Variants in XAF1 observed in about 807,000 individuals in gnomAD.
XAF1 encodes the protein XIAP-associated factor 1.
A neutral mutation model predicts 32.3 loss-of-function variants in XAF1; 32 were observed. That is an observed-to-expected ratio of 0.99 (90% CI 0.75 to 1.33). The LOEUF (loss-of-function observed/expected upper bound fraction) is 1.33. Ranked by LOEUF, XAF1 falls within the 40% of genes most tolerant of loss-of-function variation. XAF1 has a pLI of 0.00. For missense variants in XAF1, 379 were observed against 366.0 expected (o/e 1.04, Z -0.29); for synonymous variants, 120 against 125.9 (o/e 0.95, Z 0.31).
At position 6,770,963 on chromosome 17, in the gene XAF1, G is replaced by A. The variant is rs536573058; in HGVS notation, c.828G>A (p.Leu276=). Residue 276 remains leucine (L), a synonymous_variant, in exon 6 of 7, where the codon CTG becomes CTA. Coordinates refer to ENST00000361842, the MANE Select transcript of XAF1 (RefSeq NM_017523.5). ...RCSQCGILLP[L]PILNQHQEKC... ...CTCAGTGTGGCATCCTGCTTCCCCT[G>A]CCGATCCTAAATCAACATCAGGTAC... The A allele has an allele frequency of 2.8e-5, 45 of 1,613,938 alleles. No homozygotes were observed. Among genetic ancestry groups the A allele is most frequent in the Non-Finnish European group, 3.6e-5 (43 of 1,180,008 alleles).
At chr17:6,771,086 A>G (rs778578902) in intron 6 of XAF1, 102 bp downstream of exon 6, 11 of 1,348,116 alleles carry the variant, frequency 8.2e-6, no homozygotes, top group Non-Finnish European at 1.1e-5. Context: ...TGTGGCTGAA[A>G]AGGCCGTTTT....
chr17:6,771,028 G>A (rs765610915), intron 6 of XAF1, 44 bp downstream of exon 6: 26 of 1,574,582 alleles, frequency 1.7e-5, no homozygotes, highest in African/African-American at 5.4e-5. Context: ...GGAACCATCC[G>A]CACAGTGTCT....
chr17:6,762,167 C>T lies in XAF1; in HGVS notation c.434C>T (p.Ser145Leu). The T allele has an allele frequency of 6.2e-7, 1 of 1,613,224 alleles. No individual in the cohort carries two copies. Among genetic ancestry groups the T allele is most frequent in the South Asian group, 1.1e-5 (1 of 90,862 alleles). The change falls in exon 5 of 7, where the codon TCA (serine) becomes TTA (leucine). Residue 145 changes from serine to leucine, a missense_variant. Coordinates refer to ENST00000361842, the MANE Select transcript of XAF1 (RefSeq NM_017523.5). ...QAQLGKGERI[S>L]APEREIYCHY... ...TCTGCTTATTCAGGGGAAAGAATTTCAGCTCCTGAAAGGGAAATCTACTGT... is the reference window on the plus strand; with the variant it reads ...TCTGCTTATTCAGGGGAAAGAATTTTAGCTCCTGAAAGGGAAATCTACTGT...
rs202092254 is a variant in XAF1 at position 6,759,168 on chromosome 17, G to GC, written c.169-491dup. The GC allele has an allele frequency of 1.1e-3, 1,116 of 1,017,388 alleles. 16 individuals carry two copies. In the African/African-American group the frequency reaches 0.018, roughly 16 times the overall value. 63.0% of individuals were successfully genotyped at this position (1,017,388 alleles called of 1,614,324 possible). On this transcript the variant is annotated intron_variant, in intron 2 of 6. Transcript: ENST00000361842. The stretch of plus-strand genomic sequence containing the variant: ...AAGTCATTTAGCCCCTCCACACAAA[G>GC]CCCATGGAAAGGAAATGTTAATCCT...
chr17:6,764,642 C>A (rs1255888774), intron 5 of XAF1, among the ~76,000 whole-genome samples: 1 of 152,054 alleles, frequency 6.6e-6, no homozygotes, highest in Non-Finnish European at 1.5e-5. Context: ...CAGTCTTTAA[C>A]TTTTTATTAA....
chr17:6,771,714 TCCAGATTAAATG>T (rs1347504766), intron 6 of XAF1: 1 of 152,186 alleles, frequency 6.6e-6, no homozygotes, highest in Non-Finnish European at 1.5e-5. Context: ...GCTCTTAAGC[TCCAGATTAAATG>T]CCTTACTTAA....
In XAF1 at chr17:6,760,408, CA is replaced by C; in HGVS notation, c.230del (p.Asn77MetfsTer83). The C allele has an allele frequency of 6.2e-7, 1 of 1,609,876 alleles. No individual in the cohort carries two copies. The highest frequency in any genetic ancestry group is 1.8e-4 in the Middle Eastern group (1 of 5,564). ...GCCCTTCCTGCTGCCTCCCACAGGC[CA>C]ATGAGTGCCAGGAGCGCCCTGTTGA... ...QKSSLEFHKA[N>X]ECQERPVECK... On this transcript the variant is annotated frameshift_variant, in exon 4 of 7. Coordinates refer to ENST00000361842, the MANE Select transcript of XAF1 (RefSeq NM_017523.5). LOFTEE classifies it high-confidence loss of function.
intron 6 of XAF1, chr17:6,771,198 AAGCCAG>A: frequency 2.0e-6 from 1 of 495,402 alleles, no homozygotes; most frequent in Non-Finnish European, 3.6e-6. Context: ...CCTTTGACTC[AAGCCAG>A]GTCTTTGAAG....
At chr17:6,760,319 G>A (rs925149728) in intron 3 of XAF1, 87 bp from the exon 4 acceptor site, 42 of 1,339,754 alleles carry the variant, frequency 3.1e-5, no homozygotes, top group Non-Finnish European at 4.0e-5. Flanking sequence ...CTGCACTCCA[G>A]CCTGGGCAAC....
intron 5 of XAF1, among the ~76,000 whole-genome samples, chr17:6,765,793 AGTC>A (rs1450233640): frequency 6.6e-6 from 1 of 152,178 alleles, no homozygotes; most frequent in East Asian, 1.9e-4. Flanking sequence ...TGCCCCCTAC[AGTC>A]TATTCTCATC....
At position 6,758,220 on chromosome 17, in the gene XAF1, A is replaced by C. The variant is rs752549585; in HGVS notation, c.164A>C (p.Gln55Pro). The C allele has an allele frequency of 6.2e-7, 1 of 1,614,184 alleles. No individual in the cohort carries two copies. Among genetic ancestry groups the C allele is most frequent in the Admixed American group, 1.7e-5 (1 of 60,022 alleles). The change falls in exon 2 of 7, where the codon CAG (glutamine) becomes CCG (proline). Residue 55 changes from glutamine (Q) to proline (P), a missense_variant. By Grantham distance (76) the Gln-to-Pro change is moderately conservative. Coordinates refer to ENST00000361842, the MANE Select transcript of XAF1 (RefSeq NM_017523.5). ...TMEEHCKLEH[Q>P]QVGCTMCQQS... ...GAGGAGCACTGCAAGCTTGAGCACC[A>C]GCAGGTGAGGAGGCGGCAGGGAGGA...
In XAF1 at chr17:6,758,230, G is replaced by A; in HGVS notation, c.168+6G>A. ...GCAAGCTTGAGCACCAGCAGGTGAG[G>A]AGGCGGCAGGGAGGATGGGGTCTGA... On this transcript the variant is annotated splice_donor_region_variant and intron_variant, in intron 2 of 6. Coordinates refer to ENST00000361842, the MANE Select transcript of XAF1 (RefSeq NM_017523.5). 1 of 1,614,044 alleles carries A rather than the reference G, an allele frequency of 6.2e-7. No individual in the cohort carries two copies. The highest frequency in any genetic ancestry group is 8.5e-7 in the Non-Finnish European group (1 of 1,179,958).
intron 1 of XAF1, among the ~76,000 whole-genome samples, chr17:6,756,494 A>G (rs1213555060): frequency 1.3e-5 from 2 of 151,270 alleles, no homozygotes. Context: ...GAGATTCTCC[A>G]GGACTACTCT....
At chr17:6,755,955 A>G, upstream of XAF1, 1 of 1,578,642 alleles carries the variant, frequency 6.3e-7, no homozygotes, top group Non-Finnish European at 8.6e-7. Flanking sequence ...GGAACTCCTG[A>G]GCCGAGAATT....
rs552930321 is a variant in XAF1, at chr17:6,762,068, G to A, written c.422-87G>A. 2.5e-6 allele frequency: 4 copies of A among 1,601,032 alleles called. No homozygotes were observed. The East Asian group carries it at 9.0e-5, about 36-fold the overall frequency. On this transcript the variant is annotated intron_variant, in intron 4 of 6. Coordinates refer to ENST00000361842, the MANE Select transcript of XAF1 (RefSeq NM_017523.5). ...TCCGGGGGGCAGTTCGTGCTCATGA[G>A]CACAGGCCATGTATGCAGTTGTGGG...
intron 6 of XAF1, among the ~76,000 whole-genome samples, chr17:6,772,215 C>CA (rs1195855604): frequency 1.3e-5 from 2 of 152,096 alleles, no homozygotes; most frequent in African/African-American, 4.8e-5. Context: ...CCTTATATAA[C>CA]AGAGTCGCCA....
chr17:6,758,312 G>A (rs1043298242), intron 2 of XAF1, 88 bp downstream of exon 2: 9 of 1,552,976 alleles, frequency 5.8e-6, no homozygotes, highest in Admixed American at 1.9e-5. Context: ...GAGAGTTGGG[G>A]GACGAGGGTC....
At position 6,762,153 on chromosome 17, in the gene XAF1, A is replaced by C. The variant is rs1975260323; in HGVS notation, c.422-2A>C. 6.2e-7 allele frequency: 1 copy of C among 1,612,382 alleles called. No homozygotes were observed. The highest frequency in any genetic ancestry group is 1.3e-5 in the African/African-American group (1 of 74,840). ...TGTGGTGTTGTTTCTCTGCTTATTC[A>C]GGGGAAAGAATTTCAGCTCCTGAAA... On this transcript the variant is annotated splice_acceptor_variant, in intron 4 of 6. Coordinates refer to ENST00000361842, the MANE Select transcript of XAF1 (RefSeq NM_017523.5). LOFTEE classifies it high-confidence loss of function.
At chr17:6,759,173 T>G in intron 2 of XAF1, 7 of 1,018,834 alleles carry the variant, frequency 6.9e-6, no homozygotes, top group Non-Finnish European at 8.2e-6. Context: ...ACAAAGCCCA[T>G]GGAAAGGAAA....
Sources: gnomAD v4.1 joint callset for allele counts (sites outside exome capture counted in the v4.1 genomes callset) on GRCh38, gnomAD v4.1.1 for gene constraint, MANE v1.5 for transcripts, NCBI Gene and HGNC (gene_info 2026-07-23, HGNC 2026-07-21) for gene names.